The following SLC19A3 variants were observed in gnomAD, a reference collection of about 807,000 sequenced individuals.
SLC19A3 encodes the protein solute carrier family 19 member 3.
SLC19A3 carries 31 observed loss-of-function variants against 40.2 expected under a neutral mutation model. The ratio of observed to expected loss-of-function variants is 0.77; its 90% confidence interval spans 0.58 to 1.04. SLC19A3 has a LOEUF of 1.04. Among genes scored for constraint, SLC19A3 ranks in the 50% least tolerant of loss-of-function variants. The pLI is 0.00. For missense variants in SLC19A3, 592 were observed against 596.7 expected (o/e 0.99, Z 0.08); for synonymous variants, 212 against 227.5 (o/e 0.93, Z 0.61).
At position 227,699,226 on chromosome 2, in the gene SLC19A3, G is replaced by A; in HGVS notation, c.489C>T (p.Ser163=). The A allele has an allele frequency of 6.2e-7, 1 of 1,614,136 alleles. No individual in the cohort carries two copies. Among genetic ancestry groups the A allele is most frequent in the Non-Finnish European group, 8.5e-7 (1 of 1,180,004 alleles). The change falls in exon 3 of 6, where the codon TCC becomes TCT. Residue 163 remains serine (S), a synonymous_variant. Coordinates refer to ENST00000644224, the MANE Select transcript of SLC19A3 (RefSeq NM_025243.4). ...GGTAAAAGTACGACATGTTCGCCAG[G>A]GATACCAAGAGTTGAGCCAGCACCG... The part of the protein sequence containing the change: ...AGSVLAQLLV[S]LANMSYFYLN...
intron 4 of SLC19A3, among the ~76,000 whole-genome samples, chr2:227,694,295 C>A (rs932103332): frequency 3.3e-5 from 5 of 152,144 alleles, no homozygotes; most frequent in African/African-American, 1.2e-4. Flanking sequence ...GCGGGAGCCA[C>A]TGTGCCCAGC....
At position 227,693,138 on chromosome 2, in the gene SLC19A3, A is replaced by T. The variant is rs564913419; in HGVS notation, c.1172+2751T>A. 1.6e-3 allele frequency among the ~76,000 whole-genome samples: 239 copies of T among 152,330 alleles called. 1 individual carries two copies. Among genetic ancestry groups the T allele is most frequent in the Middle Eastern group, 3.4e-3 (1 of 294 alleles). On this transcript the variant is annotated intron_variant, in intron 4 of 5. Transcript: ENST00000644224. Reference sequence around the variant, plus strand: ...CCATACTATCCAAAGCAATTTACAGATTCAATGCAATCCCTATTAAAATGC... The same window carrying T: ...CCATACTATCCAAAGCAATTTACAGTTTCAATGCAATCCCTATTAAAATGC...
chr2:227,701,005 T>A (rs1283453630), intron 2 of SLC19A3: 4 of 1,304,206 alleles, frequency 3.1e-6, no homozygotes, highest in South Asian at 2.5e-5. Context: ...GGAAGGTCTG[T>A]TAACTGGTCC....
chr2:227,708,178 G>T (rs1696016630), intron 1 of SLC19A3, among the ~76,000 whole-genome samples: 1 of 152,006 alleles, frequency 6.6e-6, no homozygotes, highest in African/African-American at 2.4e-5. Context: ...ATTTTAAAAT[G>T]CTCTTAGTTT....
At chr2:227,713,599 C>A (rs1311223204) in intron 1 of SLC19A3, among the ~76,000 whole-genome samples, 1 of 151,926 alleles carries the variant, frequency 6.6e-6, no homozygotes, top group Non-Finnish European at 1.5e-5. Flanking sequence ...GCCCTCTGAC[C>A]ATGTGATACC....
At chr2:227,701,635 T>A (rs565398897) in intron 2 of SLC19A3, 4,389 of 143,438 alleles carry the variant, frequency 0.031, 227 homozygotes, top group African/African-American at 0.11. Flanking sequence ...CAAAAACAAT[T>A]AAAAAAAAAA....
intron 4 of SLC19A3, among the ~76,000 whole-genome samples, chr2:227,694,322 T>G (rs1695346916): frequency 6.6e-6 from 1 of 152,140 alleles, no homozygotes; most frequent in South Asian, 2.1e-4. Flanking sequence ...TATTTTTTTT[T>G]AATGCAAAGA....
intron 1 of SLC19A3, among the ~76,000 whole-genome samples, chr2:227,713,948 G>A (rs1229765239): frequency 6.8e-6 from 1 of 147,182 alleles, no homozygotes; most frequent in African/African-American, 2.5e-5. Context: ...ACTTCATGCT[G>A]ATAGAAATCA....
intron 3 of SLC19A3, among the ~76,000 whole-genome samples, chr2:227,698,142 G>C (rs1489286899): frequency 6.6e-6 from 1 of 152,044 alleles, no homozygotes; most frequent in Admixed American, 6.5e-5. Context: ...TATTTTTCCA[G>C]TGACTTTCAT....
chr2:227,717,799 T>A, intron 1 of SLC19A3, 144 bp downstream of exon 1: 1 of 591,830 alleles, frequency 1.7e-6, no homozygotes, highest in Non-Finnish European at 2.1e-6. Context: ...GGAGAGCTCC[T>A]CACGCGGCTC....
In SLC19A3 at chr2:227,714,805, CTTTTT is replaced by C. The variant is rs869073195; in HGVS notation, c.-3+3133_-3+3137del. ...TGAATAACACCTTTCCCTGACTATT[CTTTTT>C]TTTTTTTTTTTTTTTTTTGAGACAG... On this transcript the variant is annotated intron_variant, in intron 1 of 5. Transcript: ENST00000644224. Among the ~76,000 whole-genome samples, 8 of 79,914 alleles carry C rather than the reference CTTTTT, an allele frequency of 1.0e-4. No homozygotes were observed. The South Asian group carries it at 3.9e-3, about 39-fold the overall frequency. The allele number at this position is 79,914 out of a possible 152,430, so 52.4% of individuals were successfully genotyped here.
chr2:227,705,786 C>T (rs62191381), intron 1 of SLC19A3, among the ~76,000 whole-genome samples: 26,617 of 152,034 alleles, frequency 0.18, 2,851 homozygotes, highest in African/African-American at 0.29. Flanking sequence ...ATGAGTTGAT[C>T]TGTGCAGCAA....
Position 227,686,278 on chromosome 2 carries a change from C to A in SLC19A3, c.*1119G>T. On this transcript the variant is annotated 3_prime_UTR_variant, in exon 6 of 6. Transcript: ENST00000644224. ...TTATTTCTAATACTTCTAGAAACCTCCTTTAAGTTTTCCTATTTTAGACAG... is the reference window on the plus strand; with the variant it reads ...TTATTTCTAATACTTCTAGAAACCTACTTTAAGTTTTCCTATTTTAGACAG... The A allele has an allele frequency of 3.0e-6, 1 of 331,572 alleles. No homozygotes were observed. Among genetic ancestry groups the A allele is most frequent in the Non-Finnish European group, 6.1e-6 (1 of 163,614 alleles). The allele number at this position is 331,572 out of a possible 1,614,324, so 20.5% of individuals were successfully genotyped here. A position where few individuals can be genotyped will look rare whatever the true frequency, so the allele number is the denominator to read the frequency against.
Position 227,699,185 on chromosome 2 carries a change from A to G in SLC19A3, c.530T>C (p.Leu177Ser), listed in dbSNP as rs1414881891. The G allele has an allele frequency of 1.2e-6, 2 of 1,614,200 alleles. No individual in the cohort carries two copies. The highest frequency in any genetic ancestry group is 3.3e-5 in the Admixed American group (2 of 60,010). The change falls in exon 3 of 6, where the codon TTG (leucine) becomes TCG (serine). Residue 177 changes from leucine to serine, a missense_variant. Leu to Ser is a moderately radical substitution (Grantham distance 145). Coordinates refer to ENST00000644224, the MANE Select transcript of SLC19A3 (RefSeq NM_025243.4). ...AAGGAAAGCCACGGAGACAGAGGCCAAGGATATGACGTTGAGGTAAAAGTA... is the reference window on the plus strand; with the variant it reads ...AAGGAAAGCCACGGAGACAGAGGCCGAGGATATGACGTTGAGGTAAAAGTA... Reference protein sequence around the residue: ...MSYFYLNVISLASVSVAFLFS... With the variant: ...MSYFYLNVISSASVSVAFLFS...
chr2:227,694,856 AC>A (rs965083998), intron 4 of SLC19A3, among the ~76,000 whole-genome samples: 1 of 152,100 alleles, frequency 6.6e-6, no homozygotes, highest in Non-Finnish European at 1.5e-5. Context: ...GGAGTTTGAG[AC>A]CAGCCTGGGG....
At chr2:227,711,407 G>A (rs993196960) in intron 1 of SLC19A3, among the ~76,000 whole-genome samples, 4 of 146,626 alleles carry the variant, frequency 2.7e-5, no homozygotes, top group African/African-American at 7.6e-5. Flanking sequence ...GTGACAGAGC[G>A]AGACTCTGTC....
At chr2:227,717,419 C>A (rs1453056513) in intron 1 of SLC19A3, among the ~76,000 whole-genome samples, 1 of 152,192 alleles carries the variant, frequency 6.6e-6, no homozygotes, top group Non-Finnish European at 1.5e-5. Context: ...AGCTGTCACA[C>A]TATTTATTAT....
intron 1 of SLC19A3, among the ~76,000 whole-genome samples, chr2:227,708,152 T>C (rs1029377092): frequency 6.6e-6 from 1 of 152,224 alleles, no homozygotes; most frequent in Non-Finnish European, 1.5e-5. Flanking sequence ...CTTGCTAGCA[T>C]ACCTAATCCT....
chr2:227,702,663 T>A (rs1574566387), intron 1 of SLC19A3: 1 of 309,806 alleles, frequency 3.2e-6, no homozygotes, highest in Admixed American at 4.7e-5. Flanking sequence ...GCTTTAGACA[T>A]AAAGCCCAAT....
Sources: gnomAD v4.1 joint callset for allele counts (sites outside exome capture counted in the v4.1 genomes callset) on GRCh38, gnomAD v4.1.1 for gene constraint, MANE v1.5 for transcripts, NCBI Gene and HGNC (gene_info 2026-07-23, HGNC 2026-07-21) for gene names.